Variants in GPC6 observed in about 807,000 individuals in gnomAD.
The protein encoded by GPC6 is glypican 6.
Under a neutral mutation model 55.2 loss-of-function variants are expected in GPC6, and 14 were observed. That is an observed-to-expected ratio of 0.25 (90% confidence interval 0.17 to 0.40). GPC6 has a LOEUF of 0.40. Among genes scored for constraint, GPC6 ranks in the 10% least tolerant of loss-of-function variants. The probability of loss-of-function intolerance (pLI) is 1.00; values close to 1 mark genes in which losing one functional copy is unlikely to be tolerated. For missense variants in GPC6, 641 were observed against 708.5 expected, an observed-to-expected ratio of 0.90 and a Z score of 1.08; for synonymous variants, 278 against 259.6, an observed-to-expected ratio of 1.07 and a Z score of -0.68.
chr13:93,567,663 T>C (rs1193121300), intron 2 of GPC6, among the ~76,000 whole-genome samples: 2 of 152,098 alleles, frequency 1.3e-5, no homozygotes, highest in African/African-American at 4.8e-5. Flanking sequence ...ATTCAAAACA[T>C]TTTGAATACA....
intron 3 of GPC6, among the ~76,000 whole-genome samples, chr13:93,935,959 G>T (rs568307075): frequency 4.3e-4 from 65 of 152,182 alleles, no homozygotes; most frequent in African/African-American, 1.2e-3. Flanking sequence ...ATGTTCATTT[G>T]CATTAAATTT....
At chr13:94,049,090 A>T (rs915652252) in intron 4 of GPC6, among the ~76,000 whole-genome samples, 1 of 152,028 alleles carries the variant, frequency 6.6e-6, no homozygotes, top group Middle Eastern at 3.2e-3. Flanking sequence ...ATCTCTATGA[A>T]AACAATTTAA....
chr13:93,519,612 A>G (rs937224176), intron 1 of GPC6, among the ~76,000 whole-genome samples: 1 of 151,934 alleles, frequency 6.6e-6, no homozygotes. Flanking sequence ...CACTCACCAA[A>G]GCACATCTTA....
chr13:94,370,327 T>C (rs1268775761), intron 6 of GPC6, among the ~76,000 whole-genome samples: 1 of 152,210 alleles, frequency 6.6e-6, no homozygotes, highest in Non-Finnish European at 1.5e-5. Flanking sequence ...AGGGAGGGAA[T>C]TTCCAGACAA....
chr13:93,781,914 A>T (rs994551249), intron 2 of GPC6, among the ~76,000 whole-genome samples: 1 of 152,202 alleles, frequency 6.6e-6, no homozygotes, highest in African/African-American at 2.4e-5. Context: ...TTTTATTAGC[A>T]TATGTATTAT....
chr13:94,039,552 G>A (rs958112729), intron 4 of GPC6, among the ~76,000 whole-genome samples: 13 of 151,904 alleles, frequency 8.6e-5, no homozygotes, highest in East Asian at 3.9e-4. Flanking sequence ...AAGCTAGTTC[G>A]GGGAATGGCA....
intron 4 of GPC6, among the ~76,000 whole-genome samples, chr13:94,057,712 C>A (rs1884179247): frequency 6.6e-6 from 1 of 152,224 alleles, no homozygotes; most frequent in African/African-American, 2.4e-5. Flanking sequence ...TAAATAAGTG[C>A]TTGAATTTGT....
chr13:93,260,092 A>AT (rs1382160820), intron 1 of GPC6, among the ~76,000 whole-genome samples: 7 of 152,132 alleles, frequency 4.6e-5, no homozygotes, highest in African/African-American at 1.7e-4. Flanking sequence ...ATTTGCAATG[A>AT]TTTTTTACTG....
chr13:93,258,154 C>T (rs1262097437), intron 1 of GPC6, among the ~76,000 whole-genome samples: 2 of 152,154 alleles, frequency 1.3e-5, no homozygotes, highest in African/African-American at 2.4e-5. Flanking sequence ...CCTAAAGTTA[C>T]AGAAACTGAA....
chr13:93,889,156 C>T (rs943429655), intron 3 of GPC6, among the ~76,000 whole-genome samples: 16 of 151,986 alleles, frequency 1.1e-4, no homozygotes, highest in Non-Finnish European at 2.1e-4. Flanking sequence ...AATGGGTTAG[C>T]ATTGATGTGG....
chr13:94,379,660 G>A (rs1212185369), intron 6 of GPC6, among the ~76,000 whole-genome samples: 1 of 152,120 alleles, frequency 6.6e-6, no homozygotes, highest in Non-Finnish European at 1.5e-5. Flanking sequence ...CATTTATTGA[G>A]CATGTACTGT....
chr13:93,742,876 A>G (rs576411625), intron 2 of GPC6, among the ~76,000 whole-genome samples: 10 of 152,292 alleles, frequency 6.6e-5, no homozygotes, highest in African/African-American at 2.4e-4. Context: ...TCCCGTCTGC[A>G]GTACTTGTGT....
chr13:94,174,677 T>C (rs1227577303), intron 4 of GPC6, among the ~76,000 whole-genome samples: 1 of 152,184 alleles, frequency 6.6e-6, no homozygotes, highest in Non-Finnish European at 1.5e-5. Context: ...AGCACTATAA[T>C]GTCCTTGTAA....
chr13:94,190,122 G>A (rs1889339596), intron 4 of GPC6, among the ~76,000 whole-genome samples: 2 of 151,364 alleles, frequency 1.3e-5, no homozygotes, highest in Admixed American at 6.6e-5. Context: ...CCAGGAGTTC[G>A]AGACCAGCCT....
intron 3 of GPC6, among the ~76,000 whole-genome samples, chr13:93,833,244 C>T (rs2078131770): frequency 6.6e-6 from 1 of 150,912 alleles, no homozygotes; most frequent in Non-Finnish European, 1.5e-5. Flanking sequence ...AGTATTTTAC[C>T]AATGAACTTC....
intron 1 of GPC6, among the ~76,000 whole-genome samples, chr13:93,455,686 A>G (rs890565240): frequency 3.9e-5 from 6 of 152,108 alleles, no homozygotes; most frequent in South Asian, 4.1e-4. Context: ...AGGAATTATT[A>G]TGGTTGAATT....
intron 2 of GPC6, among the ~76,000 whole-genome samples, chr13:93,789,612 T>TATATATATAATACTAC (rs1555331698): frequency 4.2e-4 from 8 of 19,124 alleles, no homozygotes; most frequent in Admixed American, 7.5e-4. Flanking sequence ...TATATATATA[T>TATATATATAATACTAC]ATATATATAT....
chr13:93,295,675 G>T (rs1878473580), intron 1 of GPC6, among the ~76,000 whole-genome samples: 2 of 151,910 alleles, frequency 1.3e-5, no homozygotes, highest in African/African-American at 4.8e-5. Flanking sequence ...TAGAGACGGG[G>T]TTTCACTGTG....
At chr13:93,917,591 T>C (rs908815368) in intron 3 of GPC6, among the ~76,000 whole-genome samples, 1 of 152,150 alleles carries the variant, frequency 6.6e-6, no homozygotes, top group Non-Finnish European at 1.5e-5. Context: ...CTGAGGGCAT[T>C]TGGAGCAAAG....
Sources: gnomAD v4.1 joint callset for allele counts (sites outside exome capture counted in the v4.1 genomes callset) on GRCh38, gnomAD v4.1.1 for gene constraint, MANE v1.5 for transcripts, NCBI Gene and HGNC (gene_info 2026-07-23, HGNC 2026-07-21) for gene names.